Variants in CFAP157 observed in about 807,000 individuals in gnomAD.
The protein encoded by CFAP157 is cilia- and flagella-associated protein 157.
CFAP157 carries 43 observed loss-of-function variants against 57.8 expected under a neutral mutation model. The ratio of observed to expected loss-of-function variants is 0.74; its 90% CI spans 0.58 to 0.96. The LOEUF is 0.96. Ranked by LOEUF, CFAP157 falls within the 40% of genes least tolerant of loss-of-function variation. CFAP157 has a pLI of 0.00. For synonymous variants in CFAP157, 267 were observed against 269.0 expected, an observed-to-expected ratio of 0.99 and a Z score of 0.07; for missense variants, 606 against 655.3, an observed-to-expected ratio of 0.92 and a Z score of 0.82.
rs769703138 is a variant in CFAP157 at position 127,710,596 on chromosome 9, G to T, written c.434-5G>T. ...TCATTGGGCCTTGTGCGCTGTGGCG[G>T]CCAGGGGGGAAGCTGGCAGCCCTGG... On this transcript the variant is annotated splice_region_variant and splice_polypyrimidine_tract_variant and intron_variant, in intron 2 of 8. Transcript: ENST00000373295. The T allele has an allele frequency of 2.5e-6, 4 of 1,576,904 alleles. No homozygotes were observed. The highest frequency in any genetic ancestry group is 3.4e-6 in the Non-Finnish European group (4 of 1,161,042).
chr9:127,707,293 T>C (rs1842668390), intron 1 of CFAP157, 101 bp downstream of exon 1: 1 of 1,297,024 alleles, frequency 7.7e-7, no homozygotes, highest in African/African-American at 1.5e-5. Flanking sequence ...GCCTGTGTTC[T>C]GACCTCCCCT....
rs370486984 is a variant in CFAP157, at chr9:127,711,931, G to A, written c.967G>A (p.Val323Met). ...GGAGCAGAGATCCCTGCAGCTGCAG[G>A]TGGATAACCAGGCACTGAAGTGCGT... The part of the protein sequence containing the change: ...QLEQRSLQLQ[V>M]DNQALKSQRD... The change falls in exon 5 of 9, where the codon GTG becomes ATG. Residue 323 changes from valine to methionine, a missense_variant. Coordinates refer to ENST00000373295, the MANE Select transcript of CFAP157 (RefSeq NM_001012502.3). The A allele has an allele frequency of 1.3e-5, 21 of 1,606,330 alleles. No individual in the cohort carries two copies. The highest frequency in any genetic ancestry group is 1.7e-5 in the Non-Finnish European group (20 of 1,177,750).
Position 127,709,618 on chromosome 9 carries a change from G to A in CFAP157, c.358G>A (p.Glu120Lys), listed in dbSNP as rs765229107. Residue 120 changes from glutamate (E) to lysine (K), a missense_variant, in exon 2 of 9, where the codon GAG becomes AAG. By Grantham distance (56) the Glu-to-Lys change is moderately conservative. Coordinates refer to ENST00000373295, the MANE Select transcript of CFAP157 (RefSeq NM_001012502.3). This position sits in a 1 kb window ranked among gnomAD's most constrained non-coding sequence, Gnocchi z 4.7. ...LAKEMEKDAF[E>K]AQLAQVRHEF... ...CAAAGAGATGGAGAAGGATGCCTTCGAGGCGCAGCTGGCCCAGGTGCGCCA... is the reference window on the plus strand; with the variant it reads ...CAAAGAGATGGAGAAGGATGCCTTCAAGGCGCAGCTGGCCCAGGTGCGCCA... 3.1e-6 allele frequency: 5 copies of A among 1,613,754 alleles called. No individual in the cohort carries two copies. Among genetic ancestry groups the A allele is most frequent in the Non-Finnish European group, 2.5e-6 (3 of 1,180,026 alleles).
At chr9:127,707,819 C>A (rs1313686294) in intron 1 of CFAP157, among the ~76,000 whole-genome samples, 1 of 152,218 alleles carries the variant, frequency 6.6e-6, no homozygotes, top group African/African-American at 2.4e-5. Context: ...TTGTGAGGCA[C>A]CGCCCCAGTC....
In CFAP157 at chr9:127,712,715, C is replaced by T. The variant is rs773446696; in HGVS notation, c.1144C>T (p.Arg382Cys). Residue 382 changes from arginine (R) to cysteine (C), a missense_variant, in exon 7 of 9, where the codon CGC (arginine) becomes TGC (cysteine). Transcript: ENST00000373295. ...ACCCCACCCTCACCAACAGATGCACCGCGATGAAGAGGACAGTGACGTTGA... is the reference window on the plus strand; with the variant it reads ...ACCCCACCCTCACCAACAGATGCACTGCGATGAAGAGGACAGTGACGTTGA... Reference protein sequence around the residue: ...SFLQNILQMHRDEEDSDVDVT... With the variant: ...SFLQNILQMHCDEEDSDVDVT... 5.0e-6 allele frequency: 8 copies of T among 1,614,000 alleles called. No homozygotes were observed. In the East Asian group the frequency reaches 6.7e-5, roughly 13 times the overall value.
At chr9:127,712,387 G>T in intron 6 of CFAP157, 38 bp downstream of exon 6, 1 of 1,609,016 alleles carries the variant, frequency 6.2e-7, no homozygotes. Flanking sequence ...CAAGGGGAGG[G>T]GGAGTGAGCG....
rs891341638 is a variant in CFAP157, at chr9:127,711,977, C to T, written c.986+27C>T. ...TGCGTATGGCCCACGGAGGGGCGGG[C>T]GGCGGGTGCAGGCTGGGGCCAAGCT... On this transcript the variant is annotated intron_variant, in intron 5 of 8. Coordinates refer to ENST00000373295, the MANE Select transcript of CFAP157 (RefSeq NM_001012502.3). 23 of 1,590,354 alleles carry T rather than the reference C, an allele frequency of 1.4e-5. No individual in the cohort carries two copies. In the African/African-American group the frequency reaches 2.0e-4, roughly 14 times the overall value.
Position 127,715,442 on chromosome 9 carries a change from G to T in CFAP157, c.*1537G>T. 1.3e-6 allele frequency: 2 copies of T among 1,528,842 alleles called. No homozygotes were observed. Among genetic ancestry groups the T allele is most frequent in the Admixed American group, 1.8e-5 (1 of 55,102 alleles). 94.7% of individuals were successfully genotyped at this position (1,528,842 alleles called of 1,614,324 possible). On this transcript the variant is annotated 3_prime_UTR_variant, in exon 9 of 9. Coordinates refer to ENST00000373295, the MANE Select transcript of CFAP157 (RefSeq NM_001012502.3). The surrounding 1 kb of genome is among the most constrained non-coding windows in gnomAD (Gnocchi z 5.8). ...GTCGAGCACTGAACTCACCAGTTAA[G>T]AAAACAGAGCAGCAATTTGGGGGCA...
chr9:127,711,530 C>T, intron 4 of CFAP157, 34 bp downstream of exon 4: 1 of 1,597,292 alleles, frequency 6.3e-7, no homozygotes. Context: ...GGGCATTTGG[C>T]ATGCAAGGCA....
chr9:127,715,831 G>T lies in CFAP157; in HGVS notation c.*1926G>T. ...ACCCAGGCGCCTTCAGTAGCGCGGCGTCACAGTGTCCCTTCGGGACTTGTG... is the reference window on the plus strand; with the variant it reads ...ACCCAGGCGCCTTCAGTAGCGCGGCTTCACAGTGTCCCTTCGGGACTTGTG... On this transcript the variant is annotated 3_prime_UTR_variant, in exon 9 of 9. Transcript: ENST00000373295. This position sits in a 1 kb window ranked among gnomAD's most constrained non-coding sequence, Gnocchi z 5.8. 2 of 1,116,436 alleles carry T rather than the reference G, an allele frequency of 1.8e-6. No homozygotes were observed. The highest frequency in any genetic ancestry group is 2.5e-6 in the Non-Finnish European group (2 of 788,580). The allele number at this position is 1,116,436 out of a possible 1,614,324, so 69.2% of individuals were successfully genotyped here. A position where few individuals can be genotyped will look rare whatever the true frequency, so the allele number is the denominator to read the frequency against.
In CFAP157 at chr9:127,713,994, G is replaced by A. The variant is rs950241233; in HGVS notation, c.*89G>A. The A allele has an allele frequency of 1.3e-6, 2 of 1,577,572 alleles. No homozygotes were observed. Among genetic ancestry groups the A allele is most frequent in the Admixed American group, 1.7e-5 (1 of 59,542 alleles). On this transcript the variant is annotated 3_prime_UTR_variant, in exon 9 of 9. Coordinates refer to ENST00000373295, the MANE Select transcript of CFAP157 (RefSeq NM_001012502.3). ...TCCGCAGGCAGCCTGGAACAGTCTA[G>A]AGGAGATTTGTATAAAAAGTAGATA...
chr9:127,709,569 G>C lies in CFAP157; in HGVS notation c.309G>C (p.Glu103Asp). The C allele has an allele frequency of 6.2e-7, 1 of 1,614,074 alleles. No homozygotes were observed. Among genetic ancestry groups the C allele is most frequent in the Non-Finnish European group, 8.5e-7 (1 of 1,180,026 alleles). ...QQVDEITDLN[E>D]QLQNLQLAKE... ...TGGATGAGATCACAGACCTCAACGA[G>C]CAGCTCCAGAACTTGCAGCTAGCCA... is the stretch of plus-strand genomic sequence containing the variant. The change falls in exon 2 of 9, where the codon GAG (glutamate) becomes GAC (aspartate). Residue 103 changes from glutamate to aspartate, a missense_variant. By Grantham distance (45) the Glu-to-Asp change is conservative. Transcript: ENST00000373295. This position sits in a 1 kb window ranked among gnomAD's most constrained non-coding sequence, Gnocchi z 4.7.
Position 127,715,144 on chromosome 9 carries a change from G to C in CFAP157, c.*1239G>C. On this transcript the variant is annotated 3_prime_UTR_variant, in exon 9 of 9. Coordinates refer to ENST00000373295, the MANE Select transcript of CFAP157 (RefSeq NM_001012502.3). This position sits in a 1 kb window ranked among gnomAD's most constrained non-coding sequence, Gnocchi z 5.8. ...GCGCCAGCTGCCCCAGCACCGCCAT[G>C]CCCACGCTGTGTCGCGTGCCGGGCA... 6.5e-7 allele frequency: 1 copy of C among 1,537,182 alleles called. No individual in the cohort carries two copies. Among genetic ancestry groups the C allele is most frequent in the East Asian group, 2.4e-5 (1 of 41,038 alleles).
chr9:127,708,464 G>A (rs73600038), intron 1 of CFAP157, among the ~76,000 whole-genome samples: 157 of 152,164 alleles, frequency 1.0e-3, no homozygotes, highest in African/African-American at 3.7e-3. Flanking sequence ...GTGACAGATC[G>A]AGACTCCATT....
chr9:127,707,188 G>T lies in CFAP157; in HGVS notation c.157G>T (p.Ala53Ser), dbSNP rs1447502693. 6.2e-7 allele frequency: 1 copy of T among 1,611,100 alleles called. No individual in the cohort carries two copies. The highest frequency in any genetic ancestry group is 1.7e-5 in the Admixed American group (1 of 60,000). ...GATCCGAGACCTGGAGGACCGGCTA[G>T]CCCGGTGCGTGGGCTGGCGGGCAGG... ...IQIRDLEDRL[A>S]RYQRKWDELA... is the part of the protein sequence containing the mutation. The change falls in exon 1 of 9, where the codon GCC (alanine) becomes TCC (serine). Residue 53 changes from alanine (A) to serine (S), a missense_variant. Transcript: ENST00000373295.
chr9:127,715,442 G>A lies in CFAP157; in HGVS notation c.*1537G>A, dbSNP rs1213252822. ...GTCGAGCACTGAACTCACCAGTTAA[G>A]AAAACAGAGCAGCAATTTGGGGGCA... On this transcript the variant is annotated 3_prime_UTR_variant, in exon 9 of 9. Transcript: ENST00000373295. This position sits in a 1 kb window ranked among gnomAD's most constrained non-coding sequence, Gnocchi z 5.8. 2.0e-6 allele frequency: 3 copies of A among 1,528,844 alleles called. No homozygotes were observed. The highest frequency in any genetic ancestry group is 2.7e-6 in the Non-Finnish European group (3 of 1,118,148). 94.7% of individuals were successfully genotyped at this position (1,528,844 alleles called of 1,614,324 possible). A position where few individuals can be genotyped will look rare whatever the true frequency, so the allele number is the denominator to read the frequency against.
At chr9:127,713,319 G>A (rs1418343359) in intron 8 of CFAP157, 113 bp downstream of exon 8, 2 of 820,886 alleles carry the variant, frequency 2.4e-6, no homozygotes, top group East Asian at 2.8e-5. Flanking sequence ...AGATCTCTCT[G>A]AGCCTTCCCA....
At chr9:127,713,281 A>G (rs1228563701) in intron 8 of CFAP157, 75 bp downstream of exon 8, 2 of 1,139,520 alleles carry the variant, frequency 1.8e-6, no homozygotes, top group Non-Finnish European at 2.5e-6. Context: ...CTGCCAGGCC[A>G]CAGCTGTGTG....
intron 1 of CFAP157, among the ~76,000 whole-genome samples, chr9:127,708,203 G>A (rs1196692057): frequency 6.6e-6 from 1 of 152,184 alleles, no homozygotes; most frequent in African/African-American, 2.4e-5. Flanking sequence ...TCCAGGCCAG[G>A]CACAGTGGCT....
Sources: allele counts gnomAD v4.1 joint callset (sites outside exome capture counted in the v4.1 genomes callset), GRCh38; gene constraint gnomAD v4.1.1; non-coding constraint Gnocchi (gnomAD v3.1); transcripts MANE v1.5; gene names NCBI Gene and HGNC (gene_info 2026-07-23, HGNC 2026-07-21).